The following GAN variants were observed in gnomAD, a reference collection of about 807,000 sequenced individuals.
GAN encodes epididymis secretory sperm binding protein.
A neutral mutation model predicts 71.3 loss-of-function variants in GAN; 48 were observed. The ratio of observed to expected loss-of-function variants is 0.67; its 90% CI spans 0.53 to 0.86. The LOEUF is 0.86. GAN is among the 40% of genes least tolerant of loss of function. The pLI is 0.00. For missense variants in GAN, 928 were observed against 770.1 expected, an observed-to-expected ratio of 1.21 and a Z score of -2.43; for synonymous variants, 386 against 276.8, an observed-to-expected ratio of 1.39 and a Z score of -3.92.
At position 81,382,293 on chromosome 16, in the gene GAN, G is replaced by A. The variant is rs1904309475; in HGVS notation, c.*4697G>A. Reference sequence around the variant, plus strand: ...GAACTTGATTTTTCTAGGCATACAAGTATTTTTAGTAATAGAATAATCATT... The same window carrying A: ...GAACTTGATTTTTCTAGGCATACAAATATTTTTAGTAATAGAATAATCATT... On this transcript the variant is annotated 3_prime_UTR_variant, in exon 11 of 11. Transcript: ENST00000648994. The A allele has an allele frequency of 2.0e-5, 3 of 152,284 alleles. No individual in the cohort carries two copies. In the South Asian group the frequency reaches 6.2e-4, roughly 32 times the overall value. The allele number at this position is 152,284 out of a possible 1,614,324, so 9.4% of individuals were successfully genotyped here. A position where few individuals can be genotyped will look rare whatever the true frequency, so the allele number is the denominator to read the frequency against.
rs1001948817 is a variant in GAN at position 81,378,614 on chromosome 16, G to C, written c.*1018G>C. 5.2e-5 allele frequency: 8 copies of C among 152,626 alleles called. No homozygotes were observed. The highest frequency in any genetic ancestry group is 1.9e-4 in the African/African-American group (8 of 41,444). 9.5% of individuals were successfully genotyped at this position (152,626 alleles called of 1,614,324 possible). A position where few individuals can be genotyped will look rare whatever the true frequency, so the allele number is the denominator to read the frequency against. ...ACTACTGTTTAGGGTTTGAAAACTTGTCTTAGAATGCGAATCTGTGTTAAG... is the reference window on the plus strand; with the variant it reads ...ACTACTGTTTAGGGTTTGAAAACTTCTCTTAGAATGCGAATCTGTGTTAAG... On this transcript the variant is annotated 3_prime_UTR_variant, in exon 11 of 11. Transcript: ENST00000648994.
chr16:81,343,873 C>T (rs974060296), intron 1 of GAN, among the ~76,000 whole-genome samples: 11 of 152,312 alleles, frequency 7.2e-5, no homozygotes, highest in African/African-American at 2.6e-4. Context: ...AAAATCCCAT[C>T]ATCTCAGCCC....
intron 1 of GAN, among the ~76,000 whole-genome samples, chr16:81,335,599 T>C (rs758049693): frequency 4.6e-5 from 7 of 151,758 alleles, no homozygotes; most frequent in Non-Finnish European, 8.8e-5. Context: ...ATACAAAAAT[T>C]AGCTGGGTGT....
chr16:81,354,030 A>T (rs996596421), intron 2 of GAN, among the ~76,000 whole-genome samples: 1 of 152,160 alleles, frequency 6.6e-6, no homozygotes, highest in African/African-American at 2.4e-5. Context: ...TGATGCTGGT[A>T]CTTAATCATG....
chr16:81,360,061 G>GGATAGATA (rs71146006), intron 5 of GAN, among the ~76,000 whole-genome samples: 4 of 124,034 alleles, frequency 3.2e-5, no homozygotes, highest in Non-Finnish European at 7.3e-5. Flanking sequence ...ATGGATGGAT[G>GGATAGATA]GATGGATAGA....
At chr16:81,327,386 T>G (rs565910423) in intron 1 of GAN, among the ~76,000 whole-genome samples, 1 of 152,210 alleles carries the variant, frequency 6.6e-6, no homozygotes, top group Non-Finnish European at 1.5e-5. Flanking sequence ...AGCTGCCTCT[T>G]ATTTATTAAA....
rs1004885540 is a variant in GAN, at chr16:81,387,270, G to T, written c.*9674G>T. 6.6e-6 allele frequency: 1 copy of T among 152,146 alleles called. No homozygotes were observed. Among genetic ancestry groups the T allele is most frequent in the Non-Finnish European group, 1.5e-5 (1 of 68,038 alleles). The allele number at this position is 152,146 out of a possible 1,614,324, so 9.4% of individuals were successfully genotyped here. A position where few individuals can be genotyped will look rare whatever the true frequency, so the allele number is the denominator to read the frequency against. Reference sequence around the variant, plus strand: ...TTTCAGAAAAAAGTTTTGTTGCGGGGGGTGGGATATTGATCATTTGAACAT... The same window carrying T: ...TTTCAGAAAAAAGTTTTGTTGCGGGTGGTGGGATATTGATCATTTGAACAT... On this transcript the variant is annotated 3_prime_UTR_variant, in exon 11 of 11. Transcript: ENST00000648994.
chr16:81,323,709 C>T (rs1293498837), intron 1 of GAN, among the ~76,000 whole-genome samples: 1 of 152,204 alleles, frequency 6.6e-6, no homozygotes, highest in Non-Finnish European at 1.5e-5. Flanking sequence ...CAAGACATCT[C>T]AGCAGCATCT....
intron 1 of GAN, among the ~76,000 whole-genome samples, chr16:81,343,824 A>G (rs781122786): frequency 6.6e-6 from 1 of 152,216 alleles, no homozygotes; most frequent in African/African-American, 2.4e-5. Flanking sequence ...AAGGAAGTCA[A>G]ATTGTCTCTG....
intron 1 of GAN, among the ~76,000 whole-genome samples, chr16:81,350,880 T>C (rs954284863): frequency 6.6e-6 from 1 of 152,148 alleles, no homozygotes; most frequent in African/African-American, 2.4e-5. Context: ...CATCACAGTT[T>C]GCAATATCGA....
rs544875033 is a variant in GAN at position 81,380,722 on chromosome 16, T to C, written c.*3126T>C. On this transcript the variant is annotated 3_prime_UTR_variant, in exon 11 of 11. Coordinates refer to ENST00000648994, the MANE Select transcript of GAN (RefSeq NM_022041.4). ...TTTATACTACTGTGTCGAACTCATA[T>C]TGAGTGTAAATATTGAAATATTTGT... 3 of 152,354 alleles carry C rather than the reference T, an allele frequency of 2.0e-5. No individual in the cohort carries two copies. The highest frequency in any genetic ancestry group is 7.2e-5 in the African/African-American group (3 of 41,574). The allele number at this position is 152,354 out of a possible 1,614,324, so 9.4% of individuals were successfully genotyped here. A position where few individuals can be genotyped will look rare whatever the true frequency, so the allele number is the denominator to read the frequency against.
chr16:81,372,241 A>G (rs1395802605), intron 9 of GAN, among the ~76,000 whole-genome samples: 1 of 152,218 alleles, frequency 6.6e-6, no homozygotes, highest in African/African-American at 2.4e-5. Context: ...AAACATTATA[A>G]CTGAAGACAT....
At chr16:81,329,842 C>T (rs2150671296) in intron 1 of GAN, among the ~76,000 whole-genome samples, 1 of 152,312 alleles carries the variant, frequency 6.6e-6, no homozygotes. Context: ...AGAGAAGCTA[C>T]TGCCTTGACC....
At chr16:81,352,860 G>A (rs1298185180) in intron 2 of GAN, among the ~76,000 whole-genome samples, 1 of 152,194 alleles carries the variant, frequency 6.6e-6, no homozygotes, top group Non-Finnish European at 1.5e-5. Flanking sequence ...CCTCCACCTT[G>A]TAAAGTCAAT....
intron 1 of GAN, among the ~76,000 whole-genome samples, chr16:81,332,782 GT>G (rs1909626575): frequency 6.6e-6 from 1 of 152,166 alleles, no homozygotes; most frequent in Non-Finnish European, 1.5e-5. Flanking sequence ...TCTTGGTTTT[GT>G]TTGGTTTCTT....
chr16:81,379,993 C>T lies in GAN; in HGVS notation c.*2397C>T, dbSNP rs1366245842. The T allele has an allele frequency of 6.6e-6, 1 of 152,122 alleles. No homozygotes were observed. The highest frequency in any genetic ancestry group is 1.5e-5 in the Non-Finnish European group (1 of 67,978). The allele number at this position is 152,122 out of a possible 1,614,324, so 9.4% of individuals were successfully genotyped here. ...AATGTTTTATAAAATAAATTTGCCACATAATATGGGATGCAATAACCAACA... is the reference window on the plus strand; with the variant it reads ...AATGTTTTATAAAATAAATTTGCCATATAATATGGGATGCAATAACCAACA... On this transcript the variant is annotated 3_prime_UTR_variant, in exon 11 of 11. Transcript: ENST00000648994.
rs1484087130 is a variant in GAN, at chr16:81,387,179, T to A, written c.*9583T>A. The A allele has an allele frequency of 6.6e-6, 1 of 152,126 alleles. No individual in the cohort carries two copies. Among genetic ancestry groups the A allele is most frequent in the Non-Finnish European group, 1.5e-5 (1 of 68,010 alleles). 9.4% of individuals were successfully genotyped at this position (152,126 alleles called of 1,614,324 possible). A position where few individuals can be genotyped will look rare whatever the true frequency, so the allele number is the denominator to read the frequency against. On this transcript the variant is annotated 3_prime_UTR_variant, in exon 11 of 11. Coordinates refer to ENST00000648994, the MANE Select transcript of GAN (RefSeq NM_022041.4). Reference sequence around the variant, plus strand: ...TTGGGTGTTAGATCTGCAATACTCTTCATAGTGTAATGGCTAAATGTAAAG... The same window carrying A: ...TTGGGTGTTAGATCTGCAATACTCTACATAGTGTAATGGCTAAATGTAAAG...
At chr16:81,357,539 C>T (rs570222831) in intron 4 of GAN, among the ~76,000 whole-genome samples, 59 of 152,220 alleles carry the variant, frequency 3.9e-4, no homozygotes, top group African/African-American at 1.3e-3. Context: ...CAAGTCTTTG[C>T]TATTGTGAAT....
Position 81,377,408 on chromosome 16 carries a change from G to A in GAN, c.1613-7G>A. 1 of 1,613,440 alleles carries A rather than the reference G, an allele frequency of 6.2e-7. No individual in the cohort carries two copies. Among genetic ancestry groups the A allele is most frequent in the Non-Finnish European group, 8.5e-7 (1 of 1,179,416 alleles). On this transcript the variant is annotated splice_polypyrimidine_tract_variant and splice_region_variant and intron_variant, in intron 10 of 10. Transcript: ENST00000648994. ...TTTTCTCACCCTTGCTTATTTCTGT[G>A]GCTTAGGTACCAATTACGACTACGT...
Sources: allele counts gnomAD v4.1 joint callset (sites outside exome capture counted in the v4.1 genomes callset), GRCh38; gene constraint gnomAD v4.1.1; transcripts MANE v1.5; gene names NCBI Gene and HGNC (gene_info 2026-07-23, HGNC 2026-07-21).